The following KCNQ1 variants were observed in gnomAD, a reference collection of about 807,000 sequenced individuals.
KCNQ1 encodes potassium voltage-gated channel subfamily KQT member 1.
KCNQ1 carries 49 observed loss-of-function variants against 72.4 expected under a neutral mutation model. The ratio of observed to expected loss-of-function variants is 0.68; its 90% confidence interval spans 0.54 to 0.86. The LOEUF (loss-of-function observed/expected upper bound fraction) is 0.86. KCNQ1 is among the 40% of genes least tolerant of loss of function. The probability of loss-of-function intolerance (pLI) is 0.00; values close to 1 mark genes in which losing one functional copy is unlikely to be tolerated. For missense variants in KCNQ1, 790 were observed against 945.1 expected (o/e 0.84, Z 2.15); for synonymous variants, 450 against 412.6 (o/e 1.09, Z -1.10).
intron 15 of KCNQ1, among the ~76,000 whole-genome samples, chr11:2,845,786 C>T (rs1175754912): frequency 6.6e-6 from 1 of 152,210 alleles, no homozygotes; most frequent in Non-Finnish European, 1.5e-5. Context: ...CAGTCCCACC[C>T]TCCCAGGTGG....
chr11:2,618,441 G>A (rs1365446346), intron 10 of KCNQ1: 9 of 398,464 alleles, frequency 2.3e-5, no homozygotes, highest in East Asian at 3.6e-5. Context: ...GTTTCCTAAC[G>A]TCATTTATGA....
At chr11:2,777,775 C>T (rs1464125141) in intron 14 of KCNQ1, 6 of 636,236 alleles carry the variant, frequency 9.4e-6, no homozygotes, top group African/African-American at 1.8e-5. Context: ...GAGCCCAGGT[C>T]CCCAGCTGCA....
intron 6 of KCNQ1, among the ~76,000 whole-genome samples, chr11:2,574,937 C>T (rs913440091): frequency 6.6e-6 from 1 of 152,092 alleles, no homozygotes; most frequent in Non-Finnish European, 1.5e-5. Flanking sequence ...GGGAGCCTGC[C>T]TGCAGTGAGT....
rs1846865985 is a variant in KCNQ1, at chr11:2,493,451, C to T, written c.387-34477C>T. Among the ~76,000 whole-genome samples, 1 of 152,104 alleles carries T rather than the reference C, an allele frequency of 6.6e-6. No individual in the cohort carries two copies. The highest frequency in any genetic ancestry group is 2.4e-5 in the African/African-American group (1 of 41,408). ...ATGCCTATGTCCTGAATGGTATTGC[C>T]TGGGTATTCTTCTAGGGTTTCCGTG... On this transcript the variant is annotated intron_variant, in intron 1 of 15. Transcript: ENST00000155840. The surrounding 1 kb of genome is among the most constrained non-coding windows in gnomAD (Gnocchi z 5.3).
At chr11:2,802,876 A>G (rs1847296283) in intron 15 of KCNQ1, among the ~76,000 whole-genome samples, 1 of 152,212 alleles carries the variant, frequency 6.6e-6, no homozygotes, top group South Asian at 2.1e-4. Flanking sequence ...CTCAGAGTCC[A>G]GAAGCCCCCA....
In KCNQ1 at chr11:2,537,996, C is replaced by T. The variant is rs1018824949; in HGVS notation, c.477+9978C>T. 6.6e-6 allele frequency among the ~76,000 whole-genome samples: 1 copy of T among 152,194 alleles called. No homozygotes were observed. Among genetic ancestry groups the T allele is most frequent in the African/African-American group, 2.4e-5 (1 of 41,436 alleles). ...CAACCCAAAGTGCTGAGATTATAGG[C>T]ATGAACCACTGCACTCAGCCTGCTT... On this transcript the variant is annotated intron_variant, in intron 2 of 15. Coordinates refer to ENST00000155840, the MANE Select transcript of KCNQ1 (RefSeq NM_000218.3). The surrounding 1 kb of genome is among the most constrained non-coding windows in gnomAD (Gnocchi z 5.2).
intron 1 of KCNQ1, among the ~76,000 whole-genome samples, chr11:2,455,332 T>G (rs1846174212): frequency 6.6e-6 from 1 of 152,182 alleles, no homozygotes; most frequent in Admixed American, 6.5e-5. Flanking sequence ...TCTCCTGACC[T>G]TGTGATCCAC....
At chr11:2,846,190 G>A (rs1045623457) in intron 15 of KCNQ1, among the ~76,000 whole-genome samples, 7 of 152,206 alleles carry the variant, frequency 4.6e-5, no homozygotes, top group Non-Finnish European at 5.9e-5. Flanking sequence ...CCCCTGGAGT[G>A]CACGGCCAGG....
At chr11:2,692,868 C>T (rs1850611139) in intron 11 of KCNQ1, 1 of 398,672 alleles carries the variant, frequency 2.5e-6, no homozygotes, top group Middle Eastern at 6.3e-4. Context: ...CCTGGGAAGG[C>T]ACTGTGCTGT....
At chr11:2,635,716 G>C (rs1321803552) in intron 10 of KCNQ1, 1 of 152,160 alleles carries the variant, frequency 6.6e-6, no homozygotes, top group Non-Finnish European at 1.5e-5. Context: ...CCAATTCTGT[G>C]AAGAAAGTCA....
chr11:2,510,792 C>T (rs936345722), intron 1 of KCNQ1, among the ~76,000 whole-genome samples: 8 of 152,190 alleles, frequency 5.3e-5, no homozygotes, highest in Admixed American at 6.5e-5. Context: ...AAGGCTGGCA[C>T]GCTCAGATGC....
chr11:2,777,751 C>T (rs981732867), intron 14 of KCNQ1: 19 of 620,700 alleles, frequency 3.1e-5, no homozygotes, highest in Non-Finnish European at 4.3e-5. Flanking sequence ...AGGTGGAGAG[C>T]GTGGAGCAGG....
At chr11:2,619,394 TTCA>T (rs1849126189) in intron 10 of KCNQ1, 1 of 398,474 alleles carries the variant, frequency 2.5e-6, no homozygotes, top group African/African-American at 2.1e-5. Flanking sequence ...GATGTTCAAC[TTCA>T]TCAAATACTT....
rs954920343 is a variant in KCNQ1 at position 2,598,528 on chromosome 11, T to C, written c.1393+9674T>C. On this transcript the variant is annotated intron_variant, in intron 10 of 15. Coordinates refer to ENST00000155840, the MANE Select transcript of KCNQ1 (RefSeq NM_000218.3). This position sits in a 1 kb window ranked among gnomAD's most constrained non-coding sequence, Gnocchi z 6.2. Reference sequence around the variant, plus strand: ...TAACACAAAGTTTTATTTGTATACATGGACAGACAAAATGTACATTGAGAT... The same window carrying C: ...TAACACAAAGTTTTATTTGTATACACGGACAGACAAAATGTACATTGAGAT... 2.1e-4 allele frequency among the ~76,000 whole-genome samples: 32 copies of C among 151,362 alleles called. No homozygotes were observed. The highest frequency in any genetic ancestry group is 7.1e-4 in the African/African-American group (29 of 40,904).
At chr11:2,688,025 T>C in intron 11 of KCNQ1, 1 of 398,670 alleles carries the variant, frequency 2.5e-6, no homozygotes. Context: ...CCTCTAGGCT[T>C]GGGCAGGCAC....
At chr11:2,742,653 G>T (rs1672744712) in intron 11 of KCNQ1, among the ~76,000 whole-genome samples, 1 of 152,232 alleles carries the variant, frequency 6.6e-6, no homozygotes, top group East Asian at 1.9e-4. Context: ...TGTTTGTCCA[G>T]GCTCTGTCCT....
At chr11:2,758,480 G>A (rs568558946) in intron 11 of KCNQ1, among the ~76,000 whole-genome samples, 2 of 152,242 alleles carry the variant, frequency 1.3e-5, no homozygotes, top group Admixed American at 6.5e-5. Flanking sequence ...GCAGCACTCG[G>A]GGAAAATAAT....
At chr11:2,681,676 T>TA in intron 11 of KCNQ1, 1 of 324,926 alleles carries the variant, frequency 3.1e-6, no homozygotes, top group Non-Finnish European at 5.5e-6. Flanking sequence ...CCCTCACCCT[T>TA]AAAGACCAGG....
chr11:2,466,039 G>C (rs904343322), intron 1 of KCNQ1, among the ~76,000 whole-genome samples: 6 of 152,246 alleles, frequency 3.9e-5, no homozygotes, highest in Non-Finnish European at 8.8e-5. Context: ...TTCTCGGGCT[G>C]GCTATGGGGG....
Sources: allele counts gnomAD v4.1 joint callset (sites outside exome capture counted in the v4.1 genomes callset), GRCh38; gene constraint gnomAD v4.1.1; non-coding constraint Gnocchi (gnomAD v3.1); transcripts MANE v1.5; gene names NCBI Gene and HGNC (gene_info 2026-07-23, HGNC 2026-07-21).